Variants in MTHFS observed in about 807,000 individuals in gnomAD.
MTHFS encodes the protein 5-formyltetrahydrofolate cyclo-ligase.
Under a neutral mutation model 12.7 loss-of-function variants are expected in MTHFS, and 7 were observed. That is an observed-to-expected ratio of 0.55 (90% CI 0.31 to 1.03). The LOEUF (loss-of-function observed/expected upper bound fraction) is 1.03, where lower values mean the gene tolerates loss of function less well. Among genes scored for constraint, MTHFS ranks in the 50% least tolerant of loss-of-function variants. The pLI is 0.05. For missense variants in MTHFS, 252 were observed against 258.1 expected (o/e 0.98, Z 0.16); for synonymous variants, 100 against 97.1 (o/e 1.03, Z -0.18).
chr15:79,873,282 G>A (rs2034137754), intron 2 of MTHFS, among the ~76,000 whole-genome samples: 1 of 152,120 alleles, frequency 6.6e-6, no homozygotes, highest in African/African-American at 2.4e-5. Flanking sequence ...CCATCGATAA[G>A]GTACTTCATC....
chr15:79,857,405 T>C (rs1247490640), intron 2 of MTHFS, among the ~76,000 whole-genome samples: 1 of 152,192 alleles, frequency 6.6e-6, no homozygotes, highest in Non-Finnish European at 1.5e-5. Flanking sequence ...AACTGTTAAA[T>C]GAGCACTTGA....
At chr15:79,884,088 C>T (rs2034342706) in intron 2 of MTHFS, among the ~76,000 whole-genome samples, 1 of 152,208 alleles carries the variant, frequency 6.6e-6, no homozygotes, top group African/African-American at 2.4e-5. Context: ...AACTCCATAA[C>T]AGATATGTAA....
At chr15:79,872,554 G>A (rs1222983509) in intron 2 of MTHFS, among the ~76,000 whole-genome samples, 1 of 152,014 alleles carries the variant, frequency 6.6e-6, no homozygotes, top group Admixed American at 6.5e-5. Flanking sequence ...AGCAAGGCAG[G>A]GGCTCCTGGC....
chr15:79,890,269 GTGCAGTGGTGCAAT>G (rs2034452965), intron 1 of MTHFS, among the ~76,000 whole-genome samples: 1 of 133,100 alleles, frequency 7.5e-6, no homozygotes, highest in Non-Finnish European at 1.5e-5. Context: ...CCAGGCTGGA[GTGCAGTGGTGCAAT>G]CTGCAACCAC....
At chr15:79,847,830 A>G (rs1337708456) in intron 2 of MTHFS, among the ~76,000 whole-genome samples, 1 of 152,256 alleles carries the variant, frequency 6.6e-6, no homozygotes, top group Non-Finnish European at 1.5e-5. Flanking sequence ...AGGATGTCCA[A>G]TATCCAAAAA....
intron 2 of MTHFS, among the ~76,000 whole-genome samples, chr15:79,882,149 C>T (rs1239145246): frequency 6.6e-6 from 1 of 152,156 alleles, no homozygotes; most frequent in Non-Finnish European, 1.5e-5. Flanking sequence ...TAAAGAAACA[C>T]GTGTTAAAGG....
intron 1 of MTHFS, 121 bp downstream of exon 1, chr15:79,896,751 C>CG (rs762441763): frequency 9.2e-6 from 13 of 1,410,364 alleles, no homozygotes; most frequent in Admixed American, 2.6e-5. Context: ...GTGCGCGCGC[C>CG]GGGGGGTGGG....
chr15:79,879,552 G>T lies in MTHFS; in HGVS notation c.379+9541C>A, dbSNP rs376719626. On this transcript the variant is annotated intron_variant, in intron 2 of 2. Coordinates refer to ENST00000258874, the MANE Select transcript of MTHFS (RefSeq NM_006441.4). ...TCTTCTATATGCTACCTTTGTGATT[G>T]TATTTGTTATAAAACTAATGTGTGG... 1.0e-3 allele frequency among the ~76,000 whole-genome samples: 154 copies of T among 151,896 alleles called. 4 individuals are homozygous for T. The South Asian group carries it at 0.03, about 30-fold the overall frequency.
intron 2 of MTHFS, among the ~76,000 whole-genome samples, chr15:79,870,261 C>T (rs1028314419): frequency 6.6e-6 from 1 of 152,184 alleles, no homozygotes; most frequent in Non-Finnish European, 1.5e-5. Context: ...TAAATCTGGT[C>T]TGTTGCCTGT....
chr15:79,879,321 C>CTTTTTTTTTTTT, intron 2 of MTHFS, among the ~76,000 whole-genome samples: 1 of 79,330 alleles, frequency 1.3e-5, no homozygotes, highest in Non-Finnish European at 2.3e-5. Flanking sequence ...AATTATTACC[C>CTTTTTTTTTTTT]TTTTTTTTTT....
chr15:79,868,016 C>CATTTTTT (rs2034042215), intron 2 of MTHFS, among the ~76,000 whole-genome samples: 1 of 152,254 alleles, frequency 6.6e-6, no homozygotes, highest in South Asian at 2.1e-4. Context: ...ACCATGCTAG[C>CATTTTTT]ATTTTTTATT....
chr15:79,874,691 T>C (rs1273437337), intron 2 of MTHFS, among the ~76,000 whole-genome samples: 1 of 152,164 alleles, frequency 6.6e-6, no homozygotes, highest in East Asian at 1.9e-4. Flanking sequence ...GGGAAGAAGA[T>C]GTCCTGAGGA....
intron 2 of MTHFS, among the ~76,000 whole-genome samples, chr15:79,870,980 A>G (rs1035437282): frequency 1.3e-4 from 20 of 152,124 alleles, no homozygotes; most frequent in African/African-American, 4.8e-4. Flanking sequence ...TGTCTCTACT[A>G]AAAATACAAA....
chr15:79,896,731 G>T, intron 1 of MTHFS, 141 bp downstream of exon 1: 1 of 962,980 alleles, frequency 1.0e-6, no homozygotes, highest in Non-Finnish European at 1.3e-6. Flanking sequence ...CGCGCGCCGG[G>T]AGGGGAAACG....
At chr15:79,850,435 CT>C (rs1185438488) in intron 2 of MTHFS, among the ~76,000 whole-genome samples, 1 of 152,134 alleles carries the variant, frequency 6.6e-6, no homozygotes, top group African/African-American at 2.4e-5. Flanking sequence ...CTTTGCAGGC[CT>C]TAGGGTCTCT....
intron 2 of MTHFS, among the ~76,000 whole-genome samples, chr15:79,855,998 G>T (rs2033794764): frequency 6.6e-6 from 1 of 152,102 alleles, no homozygotes; most frequent in South Asian, 2.1e-4. Flanking sequence ...GTGTCTTTAT[G>T]GTTGAACGAT....
intron 2 of MTHFS, among the ~76,000 whole-genome samples, chr15:79,850,608 G>A (rs1243662571): frequency 2.6e-5 from 4 of 152,208 alleles, no homozygotes; most frequent in Non-Finnish European, 4.4e-5. Context: ...AGAACATAAG[G>A]AAAGAGAGTT....
At chr15:79,887,208 G>A (rs1249873934) in intron 2 of MTHFS, among the ~76,000 whole-genome samples, 1 of 152,146 alleles carries the variant, frequency 6.6e-6, no homozygotes, top group Non-Finnish European at 1.5e-5. Flanking sequence ...CCGGGTGACA[G>A]AGTGAAACTC....
At chr15:79,875,351 G>T (rs2034175855) in intron 2 of MTHFS, among the ~76,000 whole-genome samples, 1 of 151,716 alleles carries the variant, frequency 6.6e-6, no homozygotes, top group South Asian at 2.1e-4. Context: ...CAACCTGGAG[G>T]CCAGAAGGCA....
Sources: allele counts gnomAD v4.1 joint callset (sites outside exome capture counted in the v4.1 genomes callset), GRCh38; gene constraint gnomAD v4.1.1; transcripts MANE v1.5; gene names NCBI Gene and HGNC (gene_info 2026-07-23, HGNC 2026-07-21).